Variants in WDR59 observed in about 807,000 individuals in gnomAD.
The protein encoded by WDR59 is GATOR2 complex protein WDR59.
A neutral mutation model predicts 131.2 loss-of-function variants in WDR59; 100 were observed. That is an observed-to-expected ratio of 0.76 (90% CI 0.65 to 0.90). WDR59 has a LOEUF of 0.90. Ranked by LOEUF, WDR59 falls within the 40% of genes least tolerant of loss-of-function variation. The pLI, the probability that WDR59 is intolerant of heterozygous loss-of-function variation, is 0.00. For missense variants in WDR59, 1,203 were observed against 1,262.2 expected, an observed-to-expected ratio of 0.95 and a Z score of 0.71; for synonymous variants, 601 against 466.2, an observed-to-expected ratio of 1.29 and a Z score of -3.72.
intron 1 of WDR59, among the ~76,000 whole-genome samples, chr16:74,972,013 T>C (rs1418691292): frequency 6.6e-6 from 1 of 152,156 alleles, no homozygotes; most frequent in African/African-American, 2.4e-5. Flanking sequence ...CCAGCCAAAC[T>C]CTTGCTTTTC....
intron 2 of WDR59, among the ~76,000 whole-genome samples, chr16:74,964,809 AGGAGGCACTTTG>A (rs2033700763): frequency 6.6e-6 from 1 of 152,038 alleles, no homozygotes. Context: ...CCAGCACTTT[AGGAGGCACTTTG>A]GGAGGCCAAG....
At chr16:74,978,789 A>T (rs75068576) in intron 1 of WDR59, among the ~76,000 whole-genome samples, 1,834 of 152,190 alleles carry the variant, frequency 0.012, 18 homozygotes, top group Non-Finnish European at 0.017. Flanking sequence ...GGAAGATAAA[A>T]TGGAAGAAGG....
chr16:74,916,085 G>GT (rs1357973912), intron 12 of WDR59, 42 bp downstream of exon 12: 1 of 1,614,024 alleles, frequency 6.2e-7, no homozygotes, highest in African/African-American at 1.3e-5. Flanking sequence ...TCTGCAATGC[G>GT]TAGAGTGGCA....
At chr16:74,910,112 C>T (rs564324653) in intron 14 of WDR59, among the ~76,000 whole-genome samples, 195 bp from the exon 15 acceptor site, 15 of 151,872 alleles carry the variant, frequency 9.9e-5, no homozygotes, top group South Asian at 2.1e-4. Flanking sequence ...GGACTACAGG[C>T]GCCCACCCCC....
In WDR59 at chr16:74,889,922, T is replaced by C; in HGVS notation, c.2083-107A>G. 4 of 737,184 alleles carry C rather than the reference T, an allele frequency of 5.4e-6. No homozygotes were observed. In the East Asian group the frequency reaches 1.1e-4, roughly 20 times the overall value. 45.7% of individuals were successfully genotyped at this position (737,184 alleles called of 1,614,324 possible). On this transcript the variant is annotated intron_variant, in intron 20 of 25. Coordinates refer to ENST00000262144, the MANE Select transcript of WDR59 (RefSeq NM_030581.4). Reference sequence around the variant, plus strand: ...TATAAAACCTGATGCCTTGCTACATTGGGGGCAGCAAAAGCTGGATCCTTA... The same window carrying C: ...TATAAAACCTGATGCCTTGCTACATCGGGGGCAGCAAAAGCTGGATCCTTA...
Position 74,886,379 on chromosome 16 carries a change from G to A in WDR59, c.2437C>T (p.His813Tyr). 2 of 1,613,400 alleles carry A rather than the reference G, an allele frequency of 1.2e-6. No individual in the cohort carries two copies. Among genetic ancestry groups the A allele is most frequent in the African/African-American group, 2.7e-5 (2 of 74,994 alleles). Residue 813 changes from histidine to tyrosine, a missense_variant, in exon 24 of 26, where the codon CAC becomes TAC. Coordinates refer to ENST00000262144, the MANE Select transcript of WDR59 (RefSeq NM_030581.4). ...GATTCTCCCCAAGGGGAGGACAAGTGCTCTGCCTCTCTTCCCGCTGAAGAA... is the reference window on the plus strand; with the variant it reads ...GATTCTCCCCAAGGGGAGGACAAGTACTCTGCCTCTCTTCCCGCTGAAGAA... ...GWNIAGREAE[H>Y]LSSPWGESSP...
chr16:74,923,166 G>A (rs982116235), intron 9 of WDR59, among the ~76,000 whole-genome samples: 3 of 152,136 alleles, frequency 2.0e-5, no homozygotes, highest in Non-Finnish European at 2.9e-5. Flanking sequence ...AAAAAGGAGG[G>A]CATAGTAAAA....
chr16:74,874,387 A>G lies in WDR59; in HGVS notation c.2747T>C (p.Ile916Thr), dbSNP rs368951096. Residue 916 changes from isoleucine to threonine, a missense_variant, in exon 26 of 26, where the codon ATC (isoleucine) becomes ACC (threonine). Transcript: ENST00000262144. The part of the protein sequence containing the change: ...RSEVRGTQCA[I>T]CKGFTFQCAI... ...ACACTGGAACGTGAAGCCTTTGCAG[A>G]TGGCACACTGCGTGCCACGGACCTC... 56 of 1,613,972 alleles carry G rather than the reference A, an allele frequency of 3.5e-5. No homozygotes were observed. Among genetic ancestry groups the G allele is most frequent in the Middle Eastern group, 3.3e-4 (2 of 6,084 alleles).
chr16:74,952,288 AAAT>A (rs2033045974), intron 3 of WDR59, among the ~76,000 whole-genome samples: 1 of 151,796 alleles, frequency 6.6e-6, no homozygotes, highest in African/African-American at 2.4e-5. Context: ...AAAAAAAATT[AAAT>A]ATTAGCCAGT....
rs190529139 is a variant in WDR59, at chr16:74,966,504, T to C, written c.55-682A>G. The stretch of plus-strand genomic sequence containing the variant: ...CAAAAAATAAATAAAAATAAATAAA[T>C]TGAAGAGACAGAAGTCCTGGAGCCC... On this transcript the variant is annotated intron_variant, in intron 1 of 25. Transcript: ENST00000262144. Among the ~76,000 whole-genome samples the C allele has an allele frequency of 3.1e-3, 468 of 151,900 alleles. 7 individuals carry two copies. Among genetic ancestry groups the C allele is most frequent in the Non-Finnish European group, 2.8e-3 (188 of 67,946 alleles).
intron 3 of WDR59, among the ~76,000 whole-genome samples, chr16:74,952,639 A>T (rs2033071735): frequency 6.6e-6 from 1 of 151,710 alleles, no homozygotes. Context: ...ATCAAAGTAC[A>T]TTTCACTTAA....
At chr16:74,959,417 G>A (rs548031239) in intron 2 of WDR59, 70 of 371,330 alleles carry the variant, frequency 1.9e-4, no homozygotes, top group African/African-American at 1.5e-3. Context: ...AGCAGCCAAC[G>A]ATCTCAGTCA....
chr16:74,958,636 C>CAAAAAAAAAAAAAAAAAAAAAAAAAAAA (rs1324694576), intron 2 of WDR59, among the ~76,000 whole-genome samples: 1 of 85,166 alleles, frequency 1.2e-5, no homozygotes, highest in Admixed American at 1.5e-4. Flanking sequence ...TAAATAAAGC[C>CAAAAAAAAAAAAAAAAAAAAAAAAAAAA]AAAGTACATG....
At position 74,942,660 on chromosome 16, in the gene WDR59, C is replaced by T. The variant is rs1200155562; in HGVS notation, c.534+78G>A. 9.6e-5 allele frequency: 138 copies of T among 1,438,256 alleles called. 1 individual carries two copies. The highest frequency in any genetic ancestry group is 9.4e-4 in the East Asian group (41 of 43,600). 89.1% of individuals were successfully genotyped at this position (1,438,256 alleles called of 1,614,324 possible). A position where few individuals can be genotyped will look rare whatever the true frequency, so the allele number is the denominator to read the frequency against. On this transcript the variant is annotated intron_variant, in intron 7 of 25. Coordinates refer to ENST00000262144, the MANE Select transcript of WDR59 (RefSeq NM_030581.4). ...GGTTCCCCAGACTCTCAAGCCAAGT[C>T]CTGGCACTCATAAAATCATCTTCAC... is the stretch of plus-strand genomic sequence containing the variant.
chr16:74,904,831 A>G (rs1016870132), intron 17 of WDR59, among the ~76,000 whole-genome samples: 2 of 152,248 alleles, frequency 1.3e-5, no homozygotes, highest in African/African-American at 4.8e-5. Flanking sequence ...AGGAAAAAAG[A>G]GAGTCCAGAA....
chr16:74,947,890 G>C (rs2032744054), intron 6 of WDR59, among the ~76,000 whole-genome samples: 1 of 152,142 alleles, frequency 6.6e-6, no homozygotes, highest in African/African-American at 2.4e-5. Context: ...GGCCAATACA[G>C]TGAAACCTGT....
chr16:74,910,245 G>A (rs1966021873), intron 14 of WDR59, among the ~76,000 whole-genome samples: 2 of 152,140 alleles, frequency 1.3e-5, no homozygotes, highest in Admixed American at 1.3e-4. Flanking sequence ...TGGGATTACA[G>A]ACATGAGCCA....
chr16:74,965,909 T>C, intron 1 of WDR59, 87 bp from the exon 2 acceptor site: 3 of 1,467,600 alleles, frequency 2.0e-6, no homozygotes, highest in South Asian at 2.3e-5. Context: ...CCTCTTCCTG[T>C]CTCCCAAGAA....
At chr16:74,970,237 TC>T (rs1211938427) in intron 1 of WDR59, among the ~76,000 whole-genome samples, 2 of 152,134 alleles carry the variant, frequency 1.3e-5, no homozygotes, top group African/African-American at 4.8e-5. Flanking sequence ...TCTATTCTGT[TC>T]CATTGGTCTA....
Sources: gnomAD v4.1 joint callset for allele counts (sites outside exome capture counted in the v4.1 genomes callset) on GRCh38, gnomAD v4.1.1 for gene constraint, MANE v1.5 for transcripts, NCBI Gene and HGNC (gene_info 2026-07-23, HGNC 2026-07-21) for gene names.